The following GALNT17 variants were observed in gnomAD, a reference collection of about 807,000 sequenced individuals.
The protein encoded by GALNT17 is polypeptide N-acetylgalactosaminyltransferase 17.
Under a neutral mutation model 63.7 loss-of-function variants are expected in GALNT17, and 29 were observed. The observed-to-expected ratio is 0.46, with a 90% CI of 0.34 to 0.62. GALNT17 has a LOEUF of 0.62. Ranked by LOEUF, GALNT17 falls within the 20% of genes least tolerant of loss-of-function variation. GALNT17 has a pLI of 0.01. For synonymous variants in GALNT17, 305 were observed against 318.3 expected (o/e 0.96, Z 0.45); for missense variants, 603 against 799.6 (o/e 0.75, Z 2.97).
chr7:71,304,146 C>G (rs183762073), intron 1 of GALNT17, among the ~76,000 whole-genome samples: 1 of 152,266 alleles, frequency 6.6e-6, no homozygotes, highest in East Asian at 1.9e-4. Flanking sequence ...AGGGGAACCA[C>G]GTAGTTGATT....
chr7:71,536,658 A>G (rs1203856471), intron 5 of GALNT17, among the ~76,000 whole-genome samples: 1 of 152,172 alleles, frequency 6.6e-6, no homozygotes, highest in Non-Finnish European at 1.5e-5. Flanking sequence ...GATTCCAATG[A>G]TCTCCAACTG....
intron 1 of GALNT17, among the ~76,000 whole-genome samples, chr7:71,274,912 A>G (rs943114050): frequency 3.9e-5 from 6 of 152,218 alleles, no homozygotes; most frequent in African/African-American, 1.2e-4. Flanking sequence ...CAACATTGTT[A>G]TACTACTGAT....
In GALNT17 at chr7:71,399,586, T is replaced by C. The variant is rs997235105; in HGVS notation, c.589+11185T>C. Among the ~76,000 whole-genome samples the C allele has an allele frequency of 2.0e-5, 3 of 152,304 alleles. No homozygotes were observed. In the East Asian group the frequency reaches 5.8e-4, roughly 29 times the overall value. On this transcript the variant is annotated intron_variant, in intron 3 of 10. Transcript: ENST00000333538. ...TGTTGCTGTTTGTCTATTTTAGAAA[T>C]CCTTTTACTGTAGTTTTTTTGTGAA... is the stretch of plus-strand genomic sequence containing the variant.
chr7:71,225,982 A>G (rs941110384), intron 1 of GALNT17, among the ~76,000 whole-genome samples: 7 of 152,248 alleles, frequency 4.6e-5, no homozygotes, highest in Non-Finnish European at 8.8e-5. Context: ...ACATATGCAT[A>G]TAAATGAGAT....
chr7:71,501,920 C>T (rs1243887555), intron 5 of GALNT17, among the ~76,000 whole-genome samples: 1 of 151,986 alleles, frequency 6.6e-6, no homozygotes, highest in African/African-American at 2.4e-5. Context: ...CCATCCTCCC[C>T]TTCTTCCCTC....
intron 5 of GALNT17, among the ~76,000 whole-genome samples, chr7:71,484,682 A>C (rs2116653179): frequency 6.6e-6 from 1 of 152,074 alleles, no homozygotes; most frequent in African/African-American, 2.4e-5. Flanking sequence ...TCCTACATGC[A>C]ATCTGTCATT....
intron 1 of GALNT17, among the ~76,000 whole-genome samples, chr7:71,215,281 C>CT (rs1027646140): frequency 2.6e-5 from 4 of 151,714 alleles, no homozygotes; most frequent in South Asian, 2.1e-4. Context: ...TTCACTGATC[C>CT]TTTTTTTTGC....
At chr7:71,177,478 A>C (rs895853624) in intron 1 of GALNT17, among the ~76,000 whole-genome samples, 2 of 152,170 alleles carry the variant, frequency 1.3e-5, no homozygotes, top group Admixed American at 1.3e-4. Flanking sequence ...TTGTACTCAA[A>C]CAACAATTCA....
rs374223168 is a variant in GALNT17 at position 71,571,275 on chromosome 7, C to G, written c.963-10C>G. 2 of 1,613,150 alleles carry G rather than the reference C, an allele frequency of 1.2e-6. No individual in the cohort carries two copies. Among genetic ancestry groups the G allele is most frequent in the Non-Finnish European group, 1.7e-6 (2 of 1,179,276 alleles). On this transcript the variant is annotated splice_polypyrimidine_tract_variant and intron_variant, in intron 5 of 10. Transcript: ENST00000333538. ...CCTCAATGAGCTTCCCTTCTTTCTC[C>G]CTCCCTCAGGACCCCAGCCATGATA...
intron 6 of GALNT17, among the ~76,000 whole-genome samples, chr7:71,610,073 A>G (rs1790102422): frequency 6.6e-6 from 1 of 152,192 alleles, no homozygotes; most frequent in South Asian, 2.1e-4. Context: ...CAAAATTTTC[A>G]TAGACCTTAA....
intron 5 of GALNT17, among the ~76,000 whole-genome samples, chr7:71,529,047 A>C (rs1002029107): frequency 6.6e-6 from 1 of 152,134 alleles, no homozygotes; most frequent in Admixed American, 6.6e-5. Flanking sequence ...AATTGGGAGA[A>C]TCACTTGAAC....
intron 1 of GALNT17, among the ~76,000 whole-genome samples, chr7:71,199,169 G>T (rs10273950): frequency 0.02 from 3,051 of 152,228 alleles, 33 homozygotes; most frequent in Middle Eastern, 0.031. Context: ...TGATTAGGTG[G>T]CCAAGGGGGT....
intron 1 of GALNT17, among the ~76,000 whole-genome samples, chr7:71,201,233 GTTTATT>G (rs958590497): frequency 6.5e-5 from 6 of 92,406 alleles, no homozygotes; most frequent in African/African-American, 3.7e-4. Context: ...GGGTGTGTGT[GTTTATT>G]TTTATATATA....
chr7:71,150,950 C>T lies in GALNT17; in HGVS notation c.238+17910C>T, dbSNP rs1255087657. ...CATGATCACACCACTGCACTCCAGC[C>T]TGGGGAACACAGTGAGACCCTGACT... On this transcript the variant is annotated intron_variant, in intron 1 of 10. Transcript: ENST00000333538. Among the ~76,000 whole-genome samples, 8 of 147,398 alleles carry T rather than the reference C, an allele frequency of 5.4e-5. 1 individual carries two copies. Among genetic ancestry groups the T allele is most frequent in the African/African-American group, 2.0e-4 (8 of 39,606 alleles).
intron 5 of GALNT17, among the ~76,000 whole-genome samples, chr7:71,467,581 C>CA (rs1186768301): frequency 2.0e-3 from 272 of 137,876 alleles, no homozygotes; most frequent in Middle Eastern, 3.6e-3. Context: ...GTGTTCTTAC[C>CA]AAAAAAAAAA....
At chr7:71,218,159 C>T (rs577205046) in intron 1 of GALNT17, among the ~76,000 whole-genome samples, 4 of 152,148 alleles carry the variant, frequency 2.6e-5, no homozygotes, top group East Asian at 1.9e-4. Context: ...TTTGGGAGGC[C>T]GAGGCGGATG....
chr7:71,298,711 G>GGGGGGTGTGTGT (rs912627816), intron 1 of GALNT17, among the ~76,000 whole-genome samples: 5 of 141,490 alleles, frequency 3.5e-5, no homozygotes, highest in African/African-American at 1.3e-4. Context: ...ATTCCAGTGG[G>GGGGGGTGTGTGT]GTGTGTGTGT....
At chr7:71,190,218 AATATC>A (rs1788926933) in intron 1 of GALNT17, among the ~76,000 whole-genome samples, 1 of 152,160 alleles carries the variant, frequency 6.6e-6, no homozygotes, top group African/African-American at 2.4e-5. Flanking sequence ...ATATAGTTTG[AATATC>A]TATTCTTGCC....
chr7:71,669,905 C>T (rs1465363943), intron 7 of GALNT17, 67 bp from the exon 8 acceptor site: 8 of 1,582,378 alleles, frequency 5.1e-6, no homozygotes, highest in Non-Finnish European at 6.9e-6. Flanking sequence ...AAAGTGACTC[C>T]ACCTGTGCCC....
Sources: gnomAD v4.1 joint callset for allele counts (sites outside exome capture counted in the v4.1 genomes callset) on GRCh38, gnomAD v4.1.1 for gene constraint, MANE v1.5 for transcripts, NCBI Gene and HGNC (gene_info 2026-07-23, HGNC 2026-07-21) for gene names.